Variants in SEMA5A observed in about 807,000 individuals in gnomAD.
SEMA5A encodes the protein semaphorin 5A, also known as semaphorin-5A.
A neutral mutation model predicts 135.5 loss-of-function variants in SEMA5A; 55 were observed. That is an observed-to-expected ratio of 0.41 (90% confidence interval 0.33 to 0.51). The LOEUF is 0.51. SEMA5A is among the 20% of genes least tolerant of loss of function. The pLI is 0.37. For missense variants in SEMA5A, 1,290 were observed against 1,419.9 expected (o/e 0.91, Z 1.47); for synonymous variants, 580 against 546.5 (o/e 1.06, Z -0.85).
At chr5:9,335,853 G>C (rs1477355501) in intron 4 of SEMA5A, among the ~76,000 whole-genome samples, 4 of 152,152 alleles carry the variant, frequency 2.6e-5, no homozygotes, top group Non-Finnish European at 5.9e-5. Flanking sequence ...AGGTATCTTT[G>C]AGCTTCTATA....
rs569553063 is a variant in SEMA5A at position 9,452,435 on chromosome 5, C to T, written c.-174-14583G>A. Among the ~76,000 whole-genome samples, 9 of 152,280 alleles carry T rather than the reference C, an allele frequency of 5.9e-5. No individual in the cohort carries two copies. The East Asian group carries it at 7.7e-4, about 13-fold the overall frequency. On this transcript the variant is annotated intron_variant, in intron 1 of 22. Coordinates refer to ENST00000382496, the MANE Select transcript of SEMA5A (RefSeq NM_003966.3). ...AGAACTGCTATCCAGTCACAGCCAGCGTTCCCTGACACCTGATAATACACA... is the reference window on the plus strand; with the variant it reads ...AGAACTGCTATCCAGTCACAGCCAGTGTTCCCTGACACCTGATAATACACA...
intron 5 of SEMA5A, among the ~76,000 whole-genome samples, chr5:9,241,937 T>C (rs1748219739): frequency 6.6e-6 from 1 of 152,228 alleles, no homozygotes; most frequent in Non-Finnish European, 1.5e-5. Context: ...GCTACTACTC[T>C]TTCAGCAGAT....
intron 2 of SEMA5A, among the ~76,000 whole-genome samples, chr5:9,427,154 T>C (rs1185012281): frequency 6.6e-6 from 1 of 152,022 alleles, no homozygotes; most frequent in Non-Finnish European, 1.5e-5. Flanking sequence ...CTACTAAAAA[T>C]GTAAACATTA....
intron 5 of SEMA5A, among the ~76,000 whole-genome samples, chr5:9,293,211 G>A (rs1453932790): frequency 6.6e-6 from 1 of 151,422 alleles, no homozygotes; most frequent in African/African-American, 2.4e-5. Context: ...TCTCTCTCCT[G>A]GAAGAATGTA....
At chr5:9,225,214 T>C (rs1295951193) in intron 7 of SEMA5A, among the ~76,000 whole-genome samples, 1 of 151,808 alleles carries the variant, frequency 6.6e-6, no homozygotes, top group Non-Finnish European at 1.5e-5. Flanking sequence ...CACTTTAATA[T>C]AAAAACCAGT....
chr5:9,317,903 A>G (rs1047110129), intron 5 of SEMA5A, among the ~76,000 whole-genome samples: 1 of 152,320 alleles, frequency 6.6e-6, no homozygotes, highest in Admixed American at 6.5e-5. Context: ...GGTAAATTTC[A>G]TTTTGATCTA....
intron 1 of SEMA5A, among the ~76,000 whole-genome samples, chr5:9,514,664 A>G (rs1736408136): frequency 6.6e-6 from 1 of 152,218 alleles, no homozygotes; most frequent in South Asian, 2.1e-4. Flanking sequence ...GGAAATAACA[A>G]GAAAAAGTCT....
At chr5:9,448,561 G>A (rs895379354) in intron 1 of SEMA5A, among the ~76,000 whole-genome samples, 10 of 152,124 alleles carry the variant, frequency 6.6e-5, no homozygotes, top group Non-Finnish European at 1.0e-4. Flanking sequence ...ACTGACTGCT[G>A]GTGTTAGTCT....
chr5:9,162,569 T>TACAC (rs1211538648), intron 11 of SEMA5A, among the ~76,000 whole-genome samples: 1 of 49,452 alleles, frequency 2.0e-5, no homozygotes, highest in African/African-American at 5.7e-5. Context: ...TGTGTGTATA[T>TACAC]ATATATATAT....
chr5:9,123,122 C>T (rs1332395209), intron 13 of SEMA5A, among the ~76,000 whole-genome samples: 2 of 151,108 alleles, frequency 1.3e-5, no homozygotes, highest in Non-Finnish European at 3.0e-5. Context: ...GGCATGGTGG[C>T]GGGTGCCTGT....
chr5:9,466,834 C>T (rs138050979), intron 1 of SEMA5A, among the ~76,000 whole-genome samples: 166 of 152,342 alleles, frequency 1.1e-3, no homozygotes, highest in African/African-American at 3.8e-3. Flanking sequence ...TTCTGAAATA[C>T]TCTTCAAAGT....
chr5:9,086,090 T>C lies in SEMA5A; in HGVS notation c.2074-19444A>G, dbSNP rs147473419. ...AATGGCTGTATTTATCAAATGTATC[T>C]AGGAAGCAACTAATTTCCTTTCAAT... is the stretch of plus-strand genomic sequence containing the variant. On this transcript the variant is annotated intron_variant, in intron 16 of 22. Coordinates refer to ENST00000382496, the MANE Select transcript of SEMA5A (RefSeq NM_003966.3). Among the ~76,000 whole-genome samples the C allele has an allele frequency of 3.7e-3, 559 of 152,346 alleles. 1 individual carries two copies. The highest frequency in any genetic ancestry group is 7.9e-3 in the South Asian group (38 of 4,832).
chr5:9,155,311 T>C (rs189427355), intron 11 of SEMA5A, among the ~76,000 whole-genome samples: 1 of 152,252 alleles, frequency 6.6e-6, no homozygotes, highest in Admixed American at 6.5e-5. Context: ...GAGTATTAAT[T>C]TCTGGCCTGA....
At chr5:9,261,542 C>T (rs1416213612) in intron 5 of SEMA5A, among the ~76,000 whole-genome samples, 7 of 31,144 alleles carry the variant, frequency 2.2e-4, no homozygotes, top group African/African-American at 6.9e-4. Context: ...GGTACCAAAA[C>T]AGAGATATAG....
intron 5 of SEMA5A, among the ~76,000 whole-genome samples, chr5:9,243,098 C>T (rs1748294131): frequency 6.6e-6 from 1 of 152,170 alleles, no homozygotes; most frequent in African/African-American, 2.4e-5. Context: ...TGTATTCATT[C>T]CCTAGAGCTG....
At chr5:9,471,089 C>G (rs1286950316) in intron 1 of SEMA5A, among the ~76,000 whole-genome samples, 9 of 152,182 alleles carry the variant, frequency 5.9e-5, no homozygotes, top group South Asian at 2.1e-4. Flanking sequence ...CCTCTGAGAA[C>G]TGACTCTGCT....
At chr5:9,445,405 C>T (rs1006830764) in intron 1 of SEMA5A, among the ~76,000 whole-genome samples, 39 of 151,586 alleles carry the variant, frequency 2.6e-4, no homozygotes, top group African/African-American at 9.4e-4. Flanking sequence ...CACGGTGGCT[C>T]ACGCCTGTAA....
intron 16 of SEMA5A, among the ~76,000 whole-genome samples, chr5:9,101,657 G>C (rs546924261): frequency 9.7e-4 from 147 of 152,242 alleles, no homozygotes; most frequent in African/African-American, 3.5e-3. Context: ...GATAAACTTA[G>C]TTGTATCTAA....
chr5:9,485,457 C>A (rs181488378), intron 1 of SEMA5A, among the ~76,000 whole-genome samples: 1 of 152,206 alleles, frequency 6.6e-6, no homozygotes, highest in East Asian at 1.9e-4. Flanking sequence ...TCTAGGGATG[C>A]CCCGAGCTCA....
Sources: allele counts gnomAD v4.1 joint callset (sites outside exome capture counted in the v4.1 genomes callset), GRCh38; gene constraint gnomAD v4.1.1; transcripts MANE v1.5; gene names NCBI Gene and HGNC (gene_info 2026-07-23, HGNC 2026-07-21).